The following RAD23B variants were observed in gnomAD, a reference collection of about 807,000 sequenced individuals.
RAD23B encodes the protein RAD23 nucleotide excision repair protein B, also known as lysine-specific demethylase RAD23B.
RAD23B carries 5 observed loss-of-function variants against 49.1 expected under a neutral mutation model. The observed-to-expected ratio is 0.10, with a 90% CI of 0.05 to 0.21. RAD23B has a LOEUF of 0.21. Ranked by LOEUF, RAD23B falls within the 10% of genes least tolerant of loss-of-function variation. The probability of loss-of-function intolerance (pLI) is 1.00; values close to 1 mark genes in which losing one functional copy is unlikely to be tolerated. For synonymous variants in RAD23B, 184 were observed against 165.4 expected (o/e 1.11, Z -0.86); for missense variants, 356 against 486.7 (o/e 0.73, Z 2.53).
At chr9:107,307,126 C>T (rs77865429) in intron 4 of RAD23B, among the ~76,000 whole-genome samples, 1 of 152,084 alleles carries the variant, frequency 6.6e-6, no homozygotes, top group African/African-American at 2.4e-5. Context: ...GCTCTTGTAA[C>T]CTGAACCTAT....
chr9:107,315,435 A>G (rs1455287595), intron 5 of RAD23B, among the ~76,000 whole-genome samples: 2 of 152,166 alleles, frequency 1.3e-5, no homozygotes, highest in African/African-American at 2.4e-5. Flanking sequence ...TGAATGACAT[A>G]TATAAGGTTC....
At chr9:107,324,091 C>T in intron 8 of RAD23B, 74 bp downstream of exon 8, 1 of 1,464,996 alleles carries the variant, frequency 6.8e-7, no homozygotes, top group South Asian at 1.2e-5. Flanking sequence ...AACGGTCCTT[C>T]CCCTCCTCAA....
At chr9:107,284,993 GT>G in intron 1 of RAD23B, 1 of 1,273,680 alleles carries the variant, frequency 7.9e-7, no homozygotes, top group Non-Finnish European at 1.0e-6. Context: ...ACAGTGTTAC[GT>G]TTTACTTATC....
Position 107,318,490 on chromosome 9 carries a change from C to T in RAD23B, c.554-262C>T, listed in dbSNP as rs1381295335. Among the ~76,000 whole-genome samples, 1 of 152,178 alleles carries T rather than the reference C, an allele frequency of 6.6e-6. No individual in the cohort carries two copies. The highest frequency in any genetic ancestry group is 1.5e-5 in the Non-Finnish European group (1 of 68,026). On this transcript the variant is annotated intron_variant, in intron 5 of 9. Coordinates refer to ENST00000358015, the MANE Select transcript of RAD23B (RefSeq NM_002874.5). This position sits in a 1 kb window ranked among gnomAD's most constrained non-coding sequence, Gnocchi z 4.3. ...CAGAATGAGGTCTCTGTCTTAAAGT[C>T]AGCTGATTAGCAACCTTAATTTTAT...
At chr9:107,310,616 T>A (rs1435136676) in intron 4 of RAD23B, among the ~76,000 whole-genome samples, 1 of 152,232 alleles carries the variant, frequency 6.6e-6, no homozygotes, top group Non-Finnish European at 1.5e-5. Context: ...ATTTAGTTTT[T>A]ATGTATTGTG....
chr9:107,326,632 T>TC (rs1827210885), intron 9 of RAD23B, among the ~76,000 whole-genome samples: 2 of 89,806 alleles, frequency 2.2e-5, no homozygotes, highest in East Asian at 5.8e-4. Flanking sequence ...TATTTCTTTT[T>TC]TTTTTTTTTT....
At chr9:107,315,454 C>T (rs1826973443) in intron 5 of RAD23B, among the ~76,000 whole-genome samples, 1 of 152,034 alleles carries the variant, frequency 6.6e-6, no homozygotes, top group Non-Finnish European at 1.5e-5. Context: ...TCTTCATCAC[C>T]ACCTCTTTTG....
intron 5 of RAD23B, among the ~76,000 whole-genome samples, chr9:107,317,430 TC>T (rs905247717): frequency 6.6e-6 from 1 of 151,778 alleles, no homozygotes; most frequent in Non-Finnish European, 1.5e-5. Flanking sequence ...GAGAGGGAAA[TC>T]TGAATTGCAA....
intron 2 of RAD23B, among the ~76,000 whole-genome samples, chr9:107,300,481 T>G (rs1021324126): frequency 1.3e-5 from 2 of 152,112 alleles, no homozygotes; most frequent in Non-Finnish European, 2.9e-5. Context: ...TTTTGTTTTT[T>G]TAATCAAACG....
At chr9:107,305,162 A>G (rs1361819738) in intron 3 of RAD23B, among the ~76,000 whole-genome samples, 1 of 151,424 alleles carries the variant, frequency 6.6e-6, no homozygotes, top group Admixed American at 6.6e-5. Context: ...AGGGAGTGGT[A>G]GTGTGAGCCC....
intron 6 of RAD23B, among the ~76,000 whole-genome samples, chr9:107,320,975 A>G (rs966687578): frequency 9.9e-5 from 15 of 152,114 alleles, no homozygotes; most frequent in African/African-American, 3.6e-4. Context: ...TTCAATTGTA[A>G]TACTTGGTTC....
intron 1 of RAD23B, among the ~76,000 whole-genome samples, chr9:107,293,510 A>G (rs1833426112): frequency 6.6e-6 from 1 of 152,224 alleles, no homozygotes; most frequent in Non-Finnish European, 1.5e-5. Flanking sequence ...ACCCATTAAA[A>G]CTTTACACAA....
intron 1 of RAD23B, among the ~76,000 whole-genome samples, chr9:107,299,036 G>T (rs1396956983): frequency 2.6e-5 from 4 of 152,032 alleles, no homozygotes; most frequent in Non-Finnish European, 5.9e-5. Context: ...AGTCATAAGG[G>T]GTGGTAACCT....
intron 1 of RAD23B, among the ~76,000 whole-genome samples, chr9:107,294,959 C>T (rs1457752500): frequency 6.6e-6 from 1 of 151,916 alleles, no homozygotes; most frequent in Non-Finnish European, 1.5e-5. Context: ...AAAGGAGGGA[C>T]AGGTCAGTAC....
chr9:107,314,785 C>T (rs1826958827), intron 5 of RAD23B, among the ~76,000 whole-genome samples: 2 of 152,186 alleles, frequency 1.3e-5, no homozygotes, highest in Non-Finnish European at 2.9e-5. Flanking sequence ...ATGGACATTT[C>T]CGCCAGCAGT....
chr9:107,284,738 T>C (rs1833240423), intron 1 of RAD23B: 2 of 1,123,148 alleles, frequency 1.8e-6, no homozygotes, highest in African/African-American at 3.3e-5. Flanking sequence ...CAACTCTATT[T>C]TTAAAAGTAG....
chr9:107,319,128 C>CTTTTTTTTTTTTT lies in RAD23B; in HGVS notation c.681+257_681+269dup, dbSNP rs56891354. Among the ~76,000 whole-genome samples the CTTTTTTTTTTTTT allele has an allele frequency of 3.1e-3, 299 of 97,796 alleles. 6 individuals carry two copies. The highest frequency in any genetic ancestry group is 9.9e-3 in the African/African-American group (249 of 25,076). 64.2% of individuals were successfully genotyped at this position (97,796 alleles called of 152,430 possible). A position where few individuals can be genotyped will look rare whatever the true frequency, so the allele number is the denominator to read the frequency against. Reference sequence around the variant, plus strand: ...TATTCAGAACAAAAATTTCTTTTTTCTTTTTTTTTTTTTTTTTTTTGAGAC... The same window carrying CTTTTTTTTTTTTT: ...TATTCAGAACAAAAATTTCTTTTTTCTTTTTTTTTTTTTTTTTTTTTTTTTTTTTTTTTGAGAC... On this transcript the variant is annotated intron_variant, in intron 6 of 9. Transcript: ENST00000358015.
chr9:107,313,866 T>TTCCTTTC (rs1826938480), intron 5 of RAD23B, among the ~76,000 whole-genome samples: 1 of 151,812 alleles, frequency 6.6e-6, no homozygotes, highest in Non-Finnish European at 1.5e-5. Context: ...TTCTTTTCTT[T>TTCCTTTC]TCCTTTCTCC....
chr9:107,298,474 A>ATTTTTTTTTTTTTTT (rs35923233), intron 1 of RAD23B, among the ~76,000 whole-genome samples: 1 of 53,124 alleles, frequency 1.9e-5, no homozygotes, highest in Non-Finnish European at 3.0e-5. Context: ...TGCTTGGCTA[A>ATTTTTTTTTTTTTTT]TTTTTTTTTT....
Sources: allele counts gnomAD v4.1 joint callset (sites outside exome capture counted in the v4.1 genomes callset), GRCh38; gene constraint gnomAD v4.1.1; non-coding constraint Gnocchi (gnomAD v3.1); transcripts MANE v1.5; gene names NCBI Gene and HGNC (gene_info 2026-07-23, HGNC 2026-07-21).